Variants in EAF2 observed in about 807,000 individuals in gnomAD.
EAF2 encodes the protein ELL-associated factor 2.
A neutral mutation model predicts 29.4 loss-of-function variants in EAF2; 29 were observed. The observed-to-expected ratio is 0.99, with a 90% CI of 0.73 to 1.35. The LOEUF (loss-of-function observed/expected upper bound fraction) is 1.35. EAF2 is among the 40% of genes most tolerant of loss of function. EAF2 has a pLI of 0.00. For missense variants in EAF2, 292 were observed against 312.0 expected, an observed-to-expected ratio of 0.94 and a Z score of 0.48; for synonymous variants, 103 against 102.5, an observed-to-expected ratio of 1.00 and a Z score of -0.03.
intron 2 of EAF2, among the ~76,000 whole-genome samples, chr3:121,847,092 T>G (rs960108763): frequency 1.3e-5 from 2 of 152,204 alleles, no homozygotes; most frequent in South Asian, 4.1e-4. Context: ...TGTGTGTATA[T>G]GCATGGACAT....
chr3:121,886,075 A>T (rs1709277905), intron 5 of EAF2, among the ~76,000 whole-genome samples: 2 of 152,162 alleles, frequency 1.3e-5, no homozygotes, highest in Admixed American at 1.3e-4. Flanking sequence ...TAAATCAGTG[A>T]TATAAAAAAA....
chr3:121,873,047 T>G (rs1358431873), intron 5 of EAF2: 5 of 715,582 alleles, frequency 7.0e-6, no homozygotes, highest in African/African-American at 1.7e-5. Context: ...GTCATTAAAG[T>G]TGGAGTTTCT....
chr3:121,884,231 T>A (rs1386198837), intron 5 of EAF2, among the ~76,000 whole-genome samples: 1 of 149,554 alleles, frequency 6.7e-6, no homozygotes, highest in Non-Finnish European at 1.5e-5. Context: ...TCCCAGCTAC[T>A]CGGGAGGCTG....
intron 1 of EAF2, among the ~76,000 whole-genome samples, chr3:121,841,454 G>A (rs1056843440): frequency 1.5e-5 from 2 of 132,780 alleles, no homozygotes; most frequent in African/African-American, 5.6e-5. Context: ...ACAGTGAGCC[G>A]AAATCGCGCC....
Position 121,886,379 on chromosome 3 carries a change from T to G in EAF2, c.774T>G (p.Ser258Arg). 1.4e-6 allele frequency: 2 copies of G among 1,473,904 alleles called. No homozygotes were observed. The highest frequency in any genetic ancestry group is 5.1e-5 in the East Asian group (2 of 39,240). The allele number at this position is 1,473,904 out of a possible 1,614,324, so 91.3% of individuals were successfully genotyped here. ...AGCTGAGTGAATCAGGAAGTGACAG[T>G]GATGACTGAAGAAATATTTAGCTAT... ...DLQLSESGSD[S>R]DD Residue 258 changes from serine (S) to arginine (R), a missense_variant, in exon 6 of 6, where the codon AGT becomes AGG. Transcript: ENST00000273668.
intron 1 of EAF2, 112 bp downstream of exon 1, chr3:121,835,503 C>A: frequency 1.1e-6 from 1 of 932,086 alleles, no homozygotes; most frequent in Non-Finnish European, 1.6e-6. Context: ...TTGGAGACTA[C>A]GGGGCGGGGA....
At chr3:121,875,626 A>C (rs1709082057) in intron 5 of EAF2, among the ~76,000 whole-genome samples, 1 of 152,176 alleles carries the variant, frequency 6.6e-6, no homozygotes, top group Non-Finnish European at 1.5e-5. Flanking sequence ...ATTCTTTCCA[A>C]ATGAAAATCT....
rs143568620 is a variant in EAF2 at position 121,843,243 on chromosome 3, C to T, written c.107-1210C>T. 2.6e-4 allele frequency among the ~76,000 whole-genome samples: 39 copies of T among 152,224 alleles called. No individual in the cohort carries two copies. The East Asian group carries it at 6.7e-3, about 26-fold the overall frequency. On this transcript the variant is annotated intron_variant, in intron 1 of 5. Coordinates refer to ENST00000273668, the MANE Select transcript of EAF2 (RefSeq NM_018456.6). ...CATAAATGTCAGCTATTTTAATTGT[C>T]ATCGTGAAGCAGGGCCAGCCTTTGT...
At chr3:121,859,985 C>A (rs1461448107) in intron 4 of EAF2, among the ~76,000 whole-genome samples, 1 of 152,104 alleles carries the variant, frequency 6.6e-6, no homozygotes, top group South Asian at 2.1e-4. Flanking sequence ...TATTGATTGG[C>A]ATATGTTGAA....
chr3:121,839,984 G>A (rs190774635), intron 1 of EAF2, among the ~76,000 whole-genome samples: 1 of 152,112 alleles, frequency 6.6e-6, no homozygotes, highest in East Asian at 1.9e-4. Flanking sequence ...ACGAAAGTCA[G>A]CAATTCAAGA....
chr3:121,857,816 T>G (rs1708748249), intron 4 of EAF2, among the ~76,000 whole-genome samples: 1 of 152,080 alleles, frequency 6.6e-6, no homozygotes, highest in African/African-American at 2.4e-5. Flanking sequence ...ATGCTATCCC[T>G]CCCCTCTCCC....
intron 3 of EAF2, 45 bp downstream of exon 3, chr3:121,854,868 T>A: frequency 6.9e-7 from 1 of 1,455,156 alleles, no homozygotes; most frequent in Non-Finnish European, 9.1e-7. Flanking sequence ...CATAAATTTC[T>A]AAGGAAATGT....
chr3:121,847,952 T>C (rs1257702478), intron 2 of EAF2, among the ~76,000 whole-genome samples: 4 of 152,154 alleles, frequency 2.6e-5, no homozygotes, highest in African/African-American at 9.7e-5. Flanking sequence ...GAAGGGCTCT[T>C]TGCTAGTATC....
intron 1 of EAF2, among the ~76,000 whole-genome samples, chr3:121,843,748 T>A (rs1413129413): frequency 6.6e-6 from 1 of 152,178 alleles, no homozygotes; most frequent in East Asian, 1.9e-4. Context: ...ATGGCATCGT[T>A]TGAACTATGA....
At chr3:121,863,165 T>C (rs1317458179) in intron 4 of EAF2, among the ~76,000 whole-genome samples, 1 of 152,152 alleles carries the variant, frequency 6.6e-6, no homozygotes, top group African/African-American at 2.4e-5. Flanking sequence ...GAGGAGGAAG[T>C]CTGTCCGTTC....
chr3:121,855,382 T>C, intron 3 of EAF2, among the ~76,000 whole-genome samples: 1 of 152,270 alleles, frequency 6.6e-6, no homozygotes, highest in South Asian at 2.1e-4. Context: ...CAAAAATTGC[T>C]CTAGGAATTA....
chr3:121,872,658 C>CA lies in EAF2; in HGVS notation c.609dup (p.Ser204IlefsTer5), dbSNP rs1709034314. Reference sequence around the variant, plus strand: ...CTAGTGACTCAGAAGATGAAGATTGCAAATCCTCTACTTCTGATACAGGGA... The same window carrying CA: ...CTAGTGACTCAGAAGATGAAGATTGCAAAATCCTCTACTTCTGATACAGGGA... On this transcript the variant is annotated frameshift_variant, in exon 5 of 6. Coordinates refer to ENST00000273668, the MANE Select transcript of EAF2 (RefSeq NM_018456.6). LOFTEE classifies it high-confidence loss of function. 5 of 1,612,926 alleles carry CA rather than the reference C, an allele frequency of 3.1e-6. No homozygotes were observed. The highest frequency in any genetic ancestry group is 4.2e-6 in the Non-Finnish European group (5 of 1,179,240).
chr3:121,870,142 A>G (rs911828933), intron 4 of EAF2, among the ~76,000 whole-genome samples: 1 of 152,122 alleles, frequency 6.6e-6, no homozygotes, highest in African/African-American at 2.4e-5. Flanking sequence ...CTTCTGGAAA[A>G]AGGAAAAGGA....
At chr3:121,860,068 A>G (rs559213704) in intron 4 of EAF2, among the ~76,000 whole-genome samples, 2 of 152,228 alleles carry the variant, frequency 1.3e-5, no homozygotes, top group African/African-American at 4.8e-5. Context: ...GCTGGATTCA[A>G]TTTGCCAGTA....
Sources: gnomAD v4.1 joint callset for allele counts (sites outside exome capture counted in the v4.1 genomes callset) on GRCh38, gnomAD v4.1.1 for gene constraint, MANE v1.5 for transcripts, NCBI Gene and HGNC (gene_info 2026-07-23, HGNC 2026-07-21) for gene names.